SBNO1: variants seen among roughly 807,000 people sequenced by gnomAD.
The protein encoded by SBNO1 is protein strawberry notch homolog 1.
Under a neutral mutation model 173.6 loss-of-function variants are expected in SBNO1, and 23 were observed. That is an observed-to-expected ratio of 0.13 (90% confidence interval 0.10 to 0.19). SBNO1 has a LOEUF of 0.19. SBNO1 is among the 10% of genes least tolerant of loss of function. SBNO1 has a pLI of 1.00. For missense variants in SBNO1, 1,238 were observed against 1,671.2 expected (o/e 0.74, Z 4.52); for synonymous variants, 632 against 571.5 (o/e 1.11, Z -1.51).
intron 23 of SBNO1, 149 bp downstream of exon 23, chr12:123,315,224 G>A: frequency 1.6e-6 from 1 of 622,882 alleles, no homozygotes; most frequent in Non-Finnish European, 2.8e-6. Context: ...ACATACATGT[G>A]AAATTCTGTC....
chr12:123,295,892 G>A lies in SBNO1; in HGVS notation c.*16C>T, dbSNP rs1483107465. 3.1e-6 allele frequency: 5 copies of A among 1,612,316 alleles called. No individual in the cohort carries two copies. The highest frequency in any genetic ancestry group is 3.4e-6 in the Non-Finnish European group (4 of 1,178,860). On this transcript the variant is annotated 3_prime_UTR_variant, in exon 32 of 32. Coordinates refer to ENST00000602398, the MANE Select transcript of SBNO1 (RefSeq NM_001167856.3). The stretch of plus-strand genomic sequence containing the variant: ...ACAGCATTTCAGATCCATCCATGTT[G>A]AAACCTGTCTGTTCTTCATGCGTTG...
rs897652066 is a variant in SBNO1, at chr12:123,291,735, GAATA to G, written c.*4169_*4172del. The G allele has an allele frequency of 6.7e-5, 9 of 134,406 alleles. No individual in the cohort carries two copies. The highest frequency in any genetic ancestry group is 6.4e-4 in the East Asian group (3 of 4,698). The allele number at this position is 134,406 out of a possible 1,614,324, so 8.3% of individuals were successfully genotyped here. On this transcript the variant is annotated 3_prime_UTR_variant, in exon 32 of 32. Transcript: ENST00000602398. The stretch of plus-strand genomic sequence containing the variant: ...GCCCCATATGGGAAAGTCAAGAAAA[GAATA>G]AATAGAGCTGAAGGGAAGAGGGAAA...
At chr12:123,311,527 A>C (rs561655420) in intron 24 of SBNO1, among the ~76,000 whole-genome samples, 1 of 151,610 alleles carries the variant, frequency 6.6e-6, no homozygotes, top group South Asian at 2.1e-4. Context: ...GCTAAGTTTC[A>C]TATTTTTAGT....
rs771911237 is a variant in SBNO1, at chr12:123,295,974, C to A, written c.4116G>T (p.Ala1372=). The part of the protein sequence containing the change: ...LSTSDQSQQL[A]VQQKQLWQQH... ...GTTGCCATAGCTGTTTCTGTTGGAC[C>A]GCAAGCTGTTGAGACTGGTCTGAAG... The change falls in exon 32 of 32, where the codon GCG becomes GCT. Residue 1372 remains alanine (A), a synonymous_variant. Transcript: ENST00000602398. 1.2e-6 allele frequency: 2 copies of A among 1,613,724 alleles called. No homozygotes were observed. Among genetic ancestry groups the A allele is most frequent in the Non-Finnish European group, 1.7e-6 (2 of 1,179,674 alleles).
At chr12:123,344,641 G>A (rs1391579224) in intron 4 of SBNO1, among the ~76,000 whole-genome samples, 1 of 152,106 alleles carries the variant, frequency 6.6e-6, no homozygotes, top group African/African-American at 2.4e-5. Flanking sequence ...CTGAGCTCAG[G>A]AGTTCGAGAC....
At chr12:123,299,693 AAAAAAAC>A (rs1304795180) in intron 30 of SBNO1, among the ~76,000 whole-genome samples, 5 of 150,970 alleles carry the variant, frequency 3.3e-5, no homozygotes, top group East Asian at 2.0e-4. Flanking sequence ...AAAAAAAAAA[AAAAAAAC>A]AAAAAAGCCA....
rs776041686 is a variant in SBNO1, at chr12:123,347,981, C to T, written c.237+48G>A. The stretch of plus-strand genomic sequence containing the variant: ...CACACCCGGCCATGTTTTCTCACTA[C>T]ACTTCTAAACTATTTTAGAAGTAAC... On this transcript the variant is annotated intron_variant, in intron 3 of 31. Transcript: ENST00000602398. The T allele has an allele frequency of 5.3e-5, 64 of 1,196,568 alleles. No individual in the cohort carries two copies. In the East Asian group the frequency reaches 1.3e-3, roughly 24 times the overall value. 74.1% of individuals were successfully genotyped at this position (1,196,568 alleles called of 1,614,324 possible). A position where few individuals can be genotyped will look rare whatever the true frequency, so the allele number is the denominator to read the frequency against.
At chr12:123,313,817 G>A (rs1468434885) in intron 23 of SBNO1, 98 bp from the exon 24 acceptor site, 23 of 685,544 alleles carry the variant, frequency 3.4e-5, no homozygotes, top group Admixed American at 1.4e-4. Flanking sequence ...GGCTGGGTGC[G>A]GTGGCTCATG....
intron 23 of SBNO1, among the ~76,000 whole-genome samples, 184 bp downstream of exon 23, chr12:123,315,189 G>C (rs192280049): frequency 6.6e-5 from 10 of 152,304 alleles, no homozygotes; most frequent in Middle Eastern, 3.4e-3. Context: ...CTACATTGCT[G>C]TACTGATACT....
rs756895679 is a variant in SBNO1, at chr12:123,320,741, A to G, written c.2449T>C (p.Ser817Pro). 1.2e-6 allele frequency: 2 copies of G among 1,611,668 alleles called. No homozygotes were observed. Among genetic ancestry groups the G allele is most frequent in the South Asian group, 2.2e-5 (2 of 90,474 alleles). Residue 817 changes from serine to proline, a missense_variant, in exon 18 of 32, where the codon TCA (serine) becomes CCA (proline). Physicochemically the swap from Ser to Pro is moderately conservative, Grantham distance 74. This residue lies in a region of SBNO1 where 74 missense variants were observed against 68.5 expected (regional missense o/e 1.08). Coordinates refer to ENST00000602398, the MANE Select transcript of SBNO1 (RefSeq NM_001167856.3). The stretch of plus-strand genomic sequence containing the variant: ...GCAGGTGAGATAACTGGTGTAGATG[A>G]AAAACTAGGTCGTTTTGATCCAAGA... ...SGLGSKRPSF[S>P]STPVISPAPN...
chr12:123,364,060 G>GGAGGT lies in SBNO1; in HGVS notation c.-1+636_-1+640dup, dbSNP rs781567319. On this transcript the variant is annotated intron_variant, in intron 1 of 31. Transcript: ENST00000602398. ...CTCCATGGGTAATTCTTAGGGTCTG[G>GGAGGT]GAGGTGAGCTCGCCCGCCGAGGCAG... 344 of 985,358 alleles carry GGAGGT rather than the reference G, an allele frequency of 3.5e-4. 1 individual carries two copies. Among genetic ancestry groups the GGAGGT allele is most frequent in the Non-Finnish European group, 3.9e-4 (324 of 829,976 alleles). The allele number at this position is 985,358 out of a possible 1,614,324, so 61.0% of individuals were successfully genotyped here. A position where few individuals can be genotyped will look rare whatever the true frequency, so the allele number is the denominator to read the frequency against.
chr12:123,311,738 ATATATATATATT>A (rs1566027802), intron 24 of SBNO1, among the ~76,000 whole-genome samples: 1 of 142,016 alleles, frequency 7.0e-6, no homozygotes, highest in African/African-American at 2.6e-5. Context: ...ATATATATAT[ATATATATATATT>A]TTTGCGACAG....
chr12:123,364,055 G>C, intron 1 of SBNO1: 1 of 985,438 alleles, frequency 1.0e-6, no homozygotes, highest in Non-Finnish European at 1.2e-6. Flanking sequence ...AATTCTTAGG[G>C]TCTGGGAGGT....
At chr12:123,339,642 C>T (rs1345108437) in intron 5 of SBNO1, among the ~76,000 whole-genome samples, 3 of 151,986 alleles carry the variant, frequency 2.0e-5, no homozygotes, top group Non-Finnish European at 1.5e-5. Context: ...CAAAAATTAG[C>T]CAGGGCTGGT....
In SBNO1 at chr12:123,319,191, T is replaced by G. The variant is rs113498182; in HGVS notation, c.2799+709A>C. Among the ~76,000 whole-genome samples, 28 of 152,122 alleles carry G rather than the reference T, an allele frequency of 1.8e-4. 1 individual carries two copies. The highest frequency in any genetic ancestry group is 6.5e-4 in the African/African-American group (27 of 41,498). On this transcript the variant is annotated intron_variant, in intron 20 of 31. Transcript: ENST00000602398. ...CATGTTTGCCAGCCTGGTCTTGAACTCCTGACCTCATGATCTGCCCATCTC... is the reference window on the plus strand; with the variant it reads ...CATGTTTGCCAGCCTGGTCTTGAACGCCTGACCTCATGATCTGCCCATCTC...
intron 7 of SBNO1, among the ~76,000 whole-genome samples, chr12:123,332,993 GGGTGCCTGTA>G (rs1241538768): frequency 2.0e-5 from 3 of 152,126 alleles, no homozygotes; most frequent in South Asian, 4.1e-4. Context: ...GCGTGGCGGT[GGGTGCCTGTA>G]GTCCCAGCTA....
At chr12:123,323,877 AATT>A in intron 15 of SBNO1, 46 bp from the exon 16 acceptor site, 2 of 1,409,882 alleles carry the variant, frequency 1.4e-6, no homozygotes, top group Non-Finnish European at 1.9e-6. Flanking sequence ...TTGACAAAAT[AATT>A]ATATGTAAAG....
Position 123,331,474 on chromosome 12 carries a change from T to C in SBNO1, c.910-99A>G, listed in dbSNP as rs1381253691. On this transcript the variant is annotated intron_variant, in intron 7 of 31. Transcript: ENST00000602398. ...AGGAGTAGGAATATGTTATGTTTTT[T>C]GTTTTGTATATGTATTTTGTGACTT... 15 of 770,890 alleles carry C rather than the reference T, an allele frequency of 1.9e-5. No homozygotes were observed. The Admixed American group carries it at 5.1e-4, about 26-fold the overall frequency. The allele number at this position is 770,890 out of a possible 1,614,324, so 47.8% of individuals were successfully genotyped here.
intron 15 of SBNO1, among the ~76,000 whole-genome samples, chr12:123,324,677 AT>A (rs1870403280): frequency 6.6e-6 from 1 of 152,144 alleles, no homozygotes; most frequent in Admixed American, 6.5e-5. Context: ...CAGCAAGTTT[AT>A]TTTGCTCAGT....
Sources: allele counts gnomAD v4.1 joint callset (sites outside exome capture counted in the v4.1 genomes callset), GRCh38; gene constraint gnomAD v4.1.1; regional missense constraint gnomAD v4.1.1; transcripts MANE v1.5; gene names NCBI Gene and HGNC (gene_info 2026-07-23, HGNC 2026-07-21).